ERC2: variants seen among roughly 807,000 people sequenced by gnomAD.
The protein encoded by ERC2 is ERC protein 2.
In ERC2, 42 loss-of-function variants were observed where a neutral mutation model predicts 114.8. The observed-to-expected ratio is 0.37, with a 90% CI of 0.29 to 0.47. The LOEUF (loss-of-function observed/expected upper bound fraction) is 0.47. ERC2 is among the 20% of genes least tolerant of loss of function. The pLI, the probability that ERC2 is intolerant of heterozygous loss-of-function variation, is 0.99. For missense variants in ERC2, 939 were observed against 1,150.7 expected (o/e 0.82, Z 2.66); for synonymous variants, 454 against 425.5 (o/e 1.07, Z -0.82).
chr3:55,927,777 A>G (rs567063638), intron 13 of ERC2, among the ~76,000 whole-genome samples: 1 of 152,176 alleles, frequency 6.6e-6, no homozygotes, highest in African/African-American at 2.4e-5. Context: ...GCCTCTGGTA[A>G]CCATCCTTCT....
intron 16 of ERC2, among the ~76,000 whole-genome samples, chr3:55,691,385 G>A (rs1002088837): frequency 2.0e-5 from 3 of 151,450 alleles, no homozygotes; most frequent in African/African-American, 7.3e-5. Context: ...GCCCAGGAGT[G>A]GCAACGGTCA....
intron 6 of ERC2, among the ~76,000 whole-genome samples, chr3:56,092,148 T>G (rs2077829369): frequency 1.3e-5 from 2 of 152,216 alleles, no homozygotes; most frequent in African/African-American, 4.8e-5. Flanking sequence ...ATATATCATT[T>G]AAGCTGTGCT....
intron 3 of ERC2, among the ~76,000 whole-genome samples, chr3:56,276,811 C>A (rs775204407): frequency 2.0e-5 from 3 of 152,144 alleles, no homozygotes; most frequent in Admixed American, 1.3e-4. Context: ...CATATTAACA[C>A]TAATGATAGC....
intron 3 of ERC2, among the ~76,000 whole-genome samples, chr3:56,189,497 A>G (rs1025248986): frequency 1.3e-5 from 2 of 152,246 alleles, no homozygotes; most frequent in African/African-American, 2.4e-5. Context: ...AAATCTGGTC[A>G]GAATTTGAAC....
At chr3:56,326,471 T>C (rs1291028589) in intron 2 of ERC2, among the ~76,000 whole-genome samples, 1 of 152,078 alleles carries the variant, frequency 6.6e-6, no homozygotes, top group East Asian at 1.9e-4. Flanking sequence ...CTAGAACAAA[T>C]AAAAAATAAG....
At chr3:55,520,538 C>A (rs1405801904) in intron 17 of ERC2, among the ~76,000 whole-genome samples, 2 of 151,716 alleles carry the variant, frequency 1.3e-5, no homozygotes, top group African/African-American at 4.8e-5. Context: ...TACTGTGGAA[C>A]ACATCTTGGT....
At chr3:55,919,933 T>G (rs575718334) in intron 13 of ERC2, among the ~76,000 whole-genome samples, 34 of 152,156 alleles carry the variant, frequency 2.2e-4, no homozygotes, top group Non-Finnish European at 4.4e-4. Flanking sequence ...GTGAAGTTAA[T>G]GAATAAAGAA....
At position 55,736,511 on chromosome 3, in the gene ERC2, A is replaced by G. The variant is rs147367160; in HGVS notation, c.2565-1593T>C. Among the ~76,000 whole-genome samples the G allele has an allele frequency of 8.0e-3, 1,211 of 152,240 alleles. 11 individuals are homozygous for G. The highest frequency in any genetic ancestry group is 0.016 in the South Asian group (77 of 4,814). ...CATTACACTACTTCATTTTTTTTATAGAACTCTTTGCCATTTGATAGCATC... is the reference window on the plus strand; with the variant it reads ...CATTACACTACTTCATTTTTTTTATGGAACTCTTTGCCATTTGATAGCATC... On this transcript the variant is annotated intron_variant, in intron 14 of 17. Transcript: ENST00000288221.
intron 9 of ERC2, 130 bp from the exon 10 acceptor site, chr3:56,007,451 T>A: frequency 1.2e-6 from 1 of 853,572 alleles, no homozygotes; most frequent in South Asian, 1.8e-5. Context: ...ATAATCTTAC[T>A]AAGGTAACAA....
intron 2 of ERC2, among the ~76,000 whole-genome samples, chr3:56,397,204 C>T (rs531111701): frequency 6.6e-6 from 1 of 152,210 alleles, no homozygotes; most frequent in Admixed American, 6.5e-5. Flanking sequence ...AAAAAATGGG[C>T]CGGGCACAGT....
chr3:55,845,955 G>C (rs2061345232), intron 14 of ERC2, among the ~76,000 whole-genome samples: 1 of 152,246 alleles, frequency 6.6e-6, no homozygotes, highest in Admixed American at 6.5e-5. Context: ...GGCAGCCTCT[G>C]AGTTGGAAAT....
intron 6 of ERC2, among the ~76,000 whole-genome samples, chr3:56,110,772 G>C (rs1241243682): frequency 6.6e-6 from 1 of 152,124 alleles, no homozygotes; most frequent in Admixed American, 6.5e-5. Context: ...AGCATGATAT[G>C]ATACATCAAT....
intron 17 of ERC2, chr3:55,658,522 T>C (rs1156773147): frequency 5.2e-5 from 8 of 152,430 alleles, no homozygotes; most frequent in Admixed American, 4.6e-4. Context: ...GAAGGGTAAC[T>C]GTCCCAGAAC....
chr3:56,109,071 T>G (rs1399211036), intron 6 of ERC2, among the ~76,000 whole-genome samples: 3 of 152,166 alleles, frequency 2.0e-5, no homozygotes, highest in Non-Finnish European at 4.4e-5. Flanking sequence ...GTTATATAAG[T>G]AAACTTGTGT....
At chr3:56,277,920 C>A (rs879735138) in intron 3 of ERC2, among the ~76,000 whole-genome samples, 2 of 152,114 alleles carry the variant, frequency 1.3e-5, no homozygotes, top group Non-Finnish European at 2.9e-5. Flanking sequence ...GGCAGAGTAG[C>A]CCGAGGATTG....
intron 2 of ERC2, among the ~76,000 whole-genome samples, chr3:56,311,262 T>C (rs1479056748): frequency 2.1e-5 from 1 of 48,318 alleles, no homozygotes; most frequent in Non-Finnish European, 5.4e-5. Context: ...TCTCTATATA[T>C]ATATATATAT....
At chr3:56,258,976 A>AT (rs36089023) in intron 3 of ERC2, among the ~76,000 whole-genome samples, 69,115 of 144,062 alleles carry the variant, frequency 0.48, 16,756 homozygotes, top group Middle Eastern at 0.53. Flanking sequence ...TAATTAATTA[A>AT]TTTTTTTTTT....
At chr3:56,227,818 G>A (rs1160634610) in intron 3 of ERC2, among the ~76,000 whole-genome samples, 3 of 152,138 alleles carry the variant, frequency 2.0e-5, no homozygotes, top group East Asian at 3.9e-4. Flanking sequence ...CAAAAGATAC[G>A]CACAAGAATG....
intron 17 of ERC2, among the ~76,000 whole-genome samples, chr3:55,524,778 A>G (rs2053200087): frequency 6.6e-6 from 1 of 152,238 alleles, no homozygotes; most frequent in African/African-American, 2.4e-5. Context: ...TTGGCTAAAC[A>G]CAATGAAAAA....
Sources: gnomAD v4.1 joint callset for allele counts (sites outside exome capture counted in the v4.1 genomes callset) on GRCh38, gnomAD v4.1.1 for gene constraint, MANE v1.5 for transcripts, NCBI Gene and HGNC (gene_info 2026-07-23, HGNC 2026-07-21) for gene names.